DENND2B: variants seen among roughly 807,000 people sequenced by gnomAD.
The protein encoded by DENND2B is DENN domain-containing protein 2B.
A neutral mutation model predicts 116.0 loss-of-function variants in DENND2B; 32 were observed. That is an observed-to-expected ratio of 0.28 (90% CI 0.21 to 0.37). The LOEUF is 0.37. DENND2B is among the 10% of genes least tolerant of loss of function. The pLI, the probability that DENND2B is intolerant of heterozygous loss-of-function variation, is 1.00. For synonymous variants in DENND2B, 588 were observed against 583.9 expected (o/e 1.01, Z -0.10); for missense variants, 1,276 against 1,477.7 (o/e 0.86, Z 2.24).
intron 1 of DENND2B, among the ~76,000 whole-genome samples, chr11:8,886,996 T>C (rs61876219): frequency 6.6e-6 from 1 of 152,028 alleles, no homozygotes; most frequent in Non-Finnish European, 1.5e-5. Flanking sequence ...ACCCGGCTAA[T>C]TTTGTATTTT....
intron 4 of DENND2B, among the ~76,000 whole-genome samples, chr11:8,824,151 C>T (rs540579324): frequency 6.6e-6 from 1 of 151,776 alleles, no homozygotes; most frequent in Admixed American, 6.6e-5. Context: ...ATCTGCCCAA[C>T]TAGGCCTCCC....
At chr11:8,836,368 C>T (rs1026544338) in intron 4 of DENND2B, among the ~76,000 whole-genome samples, 1 of 149,610 alleles carries the variant, frequency 6.7e-6, no homozygotes, top group South Asian at 2.1e-4. Flanking sequence ...CATGGGTCCT[C>T]ATCCTCATCA....
chr11:8,860,020 A>C (rs539828423), intron 2 of DENND2B, among the ~76,000 whole-genome samples: 24 of 152,328 alleles, frequency 1.6e-4, no homozygotes, highest in African/African-American at 5.5e-4. Context: ...TCCCAGAAAA[A>C]CAGGAGCATC....
chr11:8,776,582 G>T, intron 1 of DENND2B: 1 of 250,310 alleles, frequency 4.0e-6, no homozygotes, highest in Non-Finnish European at 8.0e-6. Context: ...GTAGGGGTAA[G>T]GTGAGGGCAG....
At chr11:8,791,702 G>C (rs2059393976) in intron 1 of DENND2B, among the ~76,000 whole-genome samples, 1 of 151,608 alleles carries the variant, frequency 6.6e-6, no homozygotes, top group African/African-American at 2.4e-5. Flanking sequence ...GGGAGGAGGA[G>C]GTTGCATGAG....
chr11:8,719,627 A>G (rs1279296987), intron 4 of DENND2B, among the ~76,000 whole-genome samples: 1 of 151,988 alleles, frequency 6.6e-6, no homozygotes, highest in African/African-American at 2.4e-5. Flanking sequence ...TCTCCAGCCT[A>G]CCCCACTGTG....
chr11:8,811,551 C>T (rs1019202078), upstream of DENND2B: 1 of 378,526 alleles, frequency 2.6e-6, no homozygotes, highest in Non-Finnish European at 4.7e-6. Context: ...TGGGACACGG[C>T]AGACCCCCTA....
At chr11:8,865,256 T>G (rs1339799558) in intron 2 of DENND2B, among the ~76,000 whole-genome samples, 1 of 152,220 alleles carries the variant, frequency 6.6e-6, no homozygotes, top group Non-Finnish European at 1.5e-5. Flanking sequence ...CTTAAAGGAC[T>G]TGAGTAAAAT....
intron 2 of DENND2B, among the ~76,000 whole-genome samples, chr11:8,859,291 T>G (rs898256446): frequency 3.6e-5 from 5 of 137,480 alleles, no homozygotes; most frequent in Admixed American, 7.3e-5. Flanking sequence ...CACTAACGTG[T>G]TTTTTTGTTT....
At chr11:8,764,689 C>A (rs1175301338) in intron 1 of DENND2B, among the ~76,000 whole-genome samples, 3 of 152,144 alleles carry the variant, frequency 2.0e-5, no homozygotes, top group African/African-American at 7.2e-5. Flanking sequence ...AGAAAAGGGG[C>A]TGGGCATGGT....
intron 2 of DENND2B, among the ~76,000 whole-genome samples, chr11:8,867,573 CT>C (rs33990941): frequency 8.3e-4 from 74 of 89,244 alleles, no homozygotes; most frequent in African/African-American, 2.9e-3. Context: ...TAAAATTCAG[CT>C]TTTTTTTTTT....
At chr11:8,716,808 C>T (rs1035182012) in intron 5 of DENND2B, among the ~76,000 whole-genome samples, 2 of 152,162 alleles carry the variant, frequency 1.3e-5, no homozygotes, top group Non-Finnish European at 2.9e-5. Context: ...CCATCATGCC[C>T]AGCTAATGTT....
At chr11:8,825,000 C>T (rs930962103) in intron 4 of DENND2B, among the ~76,000 whole-genome samples, 2 of 152,046 alleles carry the variant, frequency 1.3e-5, no homozygotes, top group African/African-American at 4.8e-5. Context: ...CACCCAGCAT[C>T]TTATAATCAA....
chr11:8,855,732 T>G (rs1401399341), intron 3 of DENND2B, among the ~76,000 whole-genome samples: 3 of 152,070 alleles, frequency 2.0e-5, no homozygotes, highest in Non-Finnish European at 4.4e-5. Context: ...GCTGTCCTGA[T>G]GGAGCTGCCC....
chr11:8,771,622 T>C (rs1593443934), intron 1 of DENND2B: 1 of 142,506 alleles, frequency 7.0e-6, no homozygotes, highest in South Asian at 2.4e-4. Flanking sequence ...TCCTGAGGGA[T>C]GGGGGTGAGA....
intron 2 of DENND2B, among the ~76,000 whole-genome samples, chr11:8,733,993 A>T (rs901175373): frequency 2.0e-5 from 3 of 152,054 alleles, no homozygotes; most frequent in African/African-American, 7.2e-5. Context: ...CAGCCTCCCC[A>T]CACAGGCCAG....
rs1247739451 is a variant in DENND2B at position 8,702,666 on chromosome 11, A to T, written c.2626T>A (p.Cys876Ser). The change falls in exon 14 of 20, where the codon TGC (cysteine) becomes AGC (serine). Residue 876 changes from cysteine to serine, a missense_variant. Physicochemically the swap from Cys to Ser is moderately radical, Grantham distance 112. Transcript: ENST00000313726. The surrounding 1 kb of genome is among the most constrained non-coding windows in gnomAD (Gnocchi z 4.6). ...DSRLEHVDFECLFTCLSVRQL... is the reference protein window; with the variant it reads ...DSRLEHVDFESLFTCLSVRQL... ...CGCACACTGAGGCAGGTAAAAAGGCACTCAAAGTCCACGTGCTCCAGCCTT... is the reference window on the plus strand; with the variant it reads ...CGCACACTGAGGCAGGTAAAAAGGCTCTCAAAGTCCACGTGCTCCAGCCTT... 1 of 1,613,956 alleles carries T rather than the reference A, an allele frequency of 6.2e-7. No homozygotes were observed. The highest frequency in any genetic ancestry group is 1.3e-5 in the African/African-American group (1 of 75,022).
chr11:8,715,704 C>T lies in DENND2B; in HGVS notation c.1744G>A (p.Ala582Thr), dbSNP rs763853569. The T allele has an allele frequency of 2.5e-6, 4 of 1,614,196 alleles. No individual in the cohort carries two copies. The South Asian group carries it at 4.4e-5, about 18-fold the overall frequency. Reference protein sequence around the residue: ...RHSHDDMLLLAQLSLPSSPSS... With the variant: ...RHSHDDMLLLTQLSLPSSPSS... ...GGTGAGGACGGCAGACTCAGCTGAG[C>T]CAGCAGCAGCATGTCGTCATGGCTG... The change falls in exon 6 of 20, where the codon GCT (alanine) becomes ACT (threonine). Residue 582 changes from alanine (A) to threonine (T), a missense_variant. Coordinates refer to ENST00000313726, the MANE Select transcript of DENND2B (RefSeq NM_213618.2).
intron 4 of DENND2B, among the ~76,000 whole-genome samples, chr11:8,818,343 A>T (rs1375132959): frequency 3.3e-5 from 5 of 151,958 alleles, no homozygotes. Flanking sequence ...TTAACCTACC[A>T]TGATTAAAAT....
Sources: allele counts gnomAD v4.1 joint callset (sites outside exome capture counted in the v4.1 genomes callset), GRCh38; gene constraint gnomAD v4.1.1; non-coding constraint Gnocchi (gnomAD v3.1); transcripts MANE v1.5; gene names NCBI Gene and HGNC (gene_info 2026-07-23, HGNC 2026-07-21).